The following APBA1 variants were observed in gnomAD, a reference collection of about 807,000 sequenced individuals.
The protein encoded by APBA1 is amyloid-beta A4 precursor protein-binding family A member 1.
In APBA1, 55 loss-of-function variants were observed where a neutral mutation model predicts 86.6. The ratio of observed to expected loss-of-function variants is 0.64; its 90% CI spans 0.51 to 0.80. The LOEUF (loss-of-function observed/expected upper bound fraction) is 0.80, where lower values mean the gene tolerates loss of function less well. APBA1 is among the 30% of genes least tolerant of loss of function. The pLI is 0.00. For synonymous variants in APBA1, 511 were observed against 493.9 expected (o/e 1.03, Z -0.46); for missense variants, 1,090 against 1,183.0 (o/e 0.92, Z 1.15).
intron 2 of APBA1, among the ~76,000 whole-genome samples, chr9:69,503,895 C>G (rs1193701500): frequency 6.6e-6 from 1 of 152,096 alleles, no homozygotes; most frequent in Non-Finnish European, 1.5e-5. Flanking sequence ...TTGGGTCCCC[C>G]GTTTCCTGGA....
chr9:69,637,241 G>T (rs546035196), intron 1 of APBA1, among the ~76,000 whole-genome samples: 11 of 152,206 alleles, frequency 7.2e-5, no homozygotes, highest in Admixed American at 2.6e-4. Context: ...GGAGGATGAA[G>T]TAGGGATGAT....
At chr9:69,514,868 C>T (rs1316257279) in intron 2 of APBA1, among the ~76,000 whole-genome samples, 3 of 151,632 alleles carry the variant, frequency 2.0e-5, no homozygotes, top group East Asian at 3.9e-4. Context: ...GATTGCATCA[C>T]TGCACTCCAG....
In APBA1 at chr9:69,467,392, C is replaced by A. The variant is rs990718359; in HGVS notation, c.1482+431G>T. ...TTTCCTTGAAGCAAGCAAGTTCAAT[C>A]TAGCTTGAACAGGATGGGCTGGTTC... On this transcript the variant is annotated intron_variant, in intron 5 of 12. Transcript: ENST00000265381. 2.6e-5 allele frequency among the ~76,000 whole-genome samples: 4 copies of A among 152,208 alleles called. No homozygotes were observed. The East Asian group carries it at 7.7e-4, about 29-fold the overall frequency.
At chr9:69,454,408 AT>A (rs1327047177) in intron 8 of APBA1, among the ~76,000 whole-genome samples, 1 of 152,184 alleles carries the variant, frequency 6.6e-6, no homozygotes, top group Non-Finnish European at 1.5e-5. Flanking sequence ...GGCTACTGAG[AT>A]TTATGGACCA....
intron 1 of APBA1, among the ~76,000 whole-genome samples, chr9:69,610,750 A>T (rs746004676): frequency 4.6e-5 from 7 of 152,184 alleles, no homozygotes; most frequent in Non-Finnish European, 1.0e-4. Context: ...TTTGCTCTCA[A>T]GAGATTAATA....
chr9:69,632,975 C>A (rs1036925903), intron 1 of APBA1, among the ~76,000 whole-genome samples: 5 of 151,918 alleles, frequency 3.3e-5, no homozygotes, highest in African/African-American at 9.7e-5. Context: ...CTAGCTCCCC[C>A]CCTGCTGGGT....
At chr9:69,497,450 G>A (rs1031973644) in intron 2 of APBA1, among the ~76,000 whole-genome samples, 2 of 152,070 alleles carry the variant, frequency 1.3e-5, no homozygotes, top group African/African-American at 4.8e-5. Context: ...GCCACACAGA[G>A]GGGACCTGGA....
At chr9:69,519,000 G>C (rs1222491915) in intron 1 of APBA1, among the ~76,000 whole-genome samples, 1 of 152,196 alleles carries the variant, frequency 6.6e-6, no homozygotes, top group Non-Finnish European at 1.5e-5. Flanking sequence ...GTTTACAAGA[G>C]ATGAACAATC....
chr9:69,629,877 G>A (rs1397523379), intron 1 of APBA1, among the ~76,000 whole-genome samples: 2 of 152,066 alleles, frequency 1.3e-5, no homozygotes, highest in African/African-American at 2.4e-5. Context: ...CAATTCAAAC[G>A]AACATATTAG....
At chr9:69,653,771 A>G (rs1334521416) in intron 1 of APBA1, among the ~76,000 whole-genome samples, 2 of 152,238 alleles carry the variant, frequency 1.3e-5, no homozygotes, top group Non-Finnish European at 2.9e-5. Flanking sequence ...AAATGGAAAT[A>G]GAACATACCA....
At position 69,510,286 on chromosome 9, in the gene APBA1, C is replaced by G. The variant is rs1836010696; in HGVS notation, c.1200+5725G>C. Among the ~76,000 whole-genome samples, 3 of 151,808 alleles carry G rather than the reference C, an allele frequency of 2.0e-5. No homozygotes were observed. In the South Asian group the frequency reaches 6.2e-4, roughly 32 times the overall value. On this transcript the variant is annotated intron_variant, in intron 2 of 12. Coordinates refer to ENST00000265381, the MANE Select transcript of APBA1 (RefSeq NM_001163.4). Reference sequence around the variant, plus strand: ...TTCTTATACACCAATAACAGACAAACAGAGAGCCAAATCATAAGTGAACTC... The same window carrying G: ...TTCTTATACACCAATAACAGACAAAGAGAGAGCCAAATCATAAGTGAACTC...
At chr9:69,608,064 A>T (rs1418295916) in intron 1 of APBA1, among the ~76,000 whole-genome samples, 2 of 152,148 alleles carry the variant, frequency 1.3e-5, no homozygotes, top group Admixed American at 1.3e-4. Flanking sequence ...CTATTTTTAC[A>T]CTACTCTGAT....
intron 10 of APBA1, among the ~76,000 whole-genome samples, chr9:69,442,536 C>G (rs1834841597): frequency 6.6e-6 from 1 of 152,154 alleles, no homozygotes; most frequent in South Asian, 2.1e-4. Context: ...TGAGGAGGGA[C>G]TCAGGGAAAA....
intron 8 of APBA1, among the ~76,000 whole-genome samples, chr9:69,455,468 G>C (rs774475955): frequency 6.6e-6 from 1 of 152,100 alleles, no homozygotes; most frequent in Non-Finnish European, 1.5e-5. Flanking sequence ...CTAGCAGCTT[G>C]GGTTACAACC....
At chr9:69,600,829 T>C (rs1411692975) in intron 1 of APBA1, among the ~76,000 whole-genome samples, 1 of 147,346 alleles carries the variant, frequency 6.8e-6, no homozygotes, top group Non-Finnish European at 1.5e-5. Flanking sequence ...AATAAATAAA[T>C]AAATAAAATA....
intron 1 of APBA1, among the ~76,000 whole-genome samples, chr9:69,612,586 T>C (rs1481141478): frequency 6.6e-6 from 1 of 152,062 alleles, no homozygotes; most frequent in Non-Finnish European, 1.5e-5. Flanking sequence ...CTCTCATCTT[T>C]AAAATATTGA....
Position 69,516,672 on chromosome 9 carries a change from T to C in APBA1, c.539A>G (p.Asp180Gly). Reference sequence around the variant, plus strand: ...GGCATAGGGCTCGGAGTAGGGCTCGTCCTCACCGCGGTGGAAGAGCCGGTG... The same window carrying C: ...GGCATAGGGCTCGGAGTAGGGCTCGCCCTCACCGCGGTGGAAGAGCCGGTG... ...YTHRLFHRGE[D>G]EPYSEPYADY... The change falls in exon 2 of 13, where the codon GAC (aspartate) becomes GGC (glycine). Residue 180 changes from aspartate to glycine, a missense_variant. Physicochemically the swap from Asp to Gly is moderately conservative, Grantham distance 94. Transcript: ENST00000265381. This position sits in a 1 kb window ranked among gnomAD's most constrained non-coding sequence, Gnocchi z 7.3. 1.2e-6 allele frequency: 2 copies of C among 1,609,912 alleles called. No homozygotes were observed. The highest frequency in any genetic ancestry group is 8.5e-7 in the Non-Finnish European group (1 of 1,179,036).
At chr9:69,512,588 CTTTTTGTTAAA>C (rs1588331638) in intron 2 of APBA1, among the ~76,000 whole-genome samples, 1 of 152,146 alleles carries the variant, frequency 6.6e-6, no homozygotes, top group East Asian at 1.9e-4. Flanking sequence ...TGAGATACCT[CTTTTTGTTAAA>C]ACTTTATCTG....
chr9:69,496,405 A>G (rs1835795313), intron 2 of APBA1, among the ~76,000 whole-genome samples: 1 of 152,110 alleles, frequency 6.6e-6, no homozygotes, highest in Admixed American at 6.5e-5. Context: ...AAAAAGAGAC[A>G]CAAAGGGCCT....
Sources: gnomAD v4.1 joint callset for allele counts (sites outside exome capture counted in the v4.1 genomes callset) on GRCh38, gnomAD v4.1.1 for gene constraint, Gnocchi (gnomAD v3.1) non-coding constraint, MANE v1.5 for transcripts, NCBI Gene and HGNC (gene_info 2026-07-23, HGNC 2026-07-21) for gene names.